Variants in ABAT observed in about 807,000 individuals in gnomAD.
The protein encoded by ABAT is 4-aminobutyrate aminotransferase.
A neutral mutation model predicts 64.6 loss-of-function variants in ABAT; 45 were observed. The observed-to-expected ratio is 0.70, with a 90% CI of 0.55 to 0.89. The LOEUF (loss-of-function observed/expected upper bound fraction) is 0.89, where lower values mean the gene tolerates loss of function less well. Ranked by LOEUF, ABAT falls within the 40% of genes least tolerant of loss-of-function variation. The pLI is 0.00. For missense variants in ABAT, 633 were observed against 658.4 expected, an observed-to-expected ratio of 0.96 and a Z score of 0.42; for synonymous variants, 297 against 250.5, an observed-to-expected ratio of 1.19 and a Z score of -1.75.
chr16:8,750,430 G>C lies in ABAT; in HGVS notation c.207G>C (p.Glu69Asp), dbSNP rs1183442088. 1 of 1,614,042 alleles carries C rather than the reference G, an allele frequency of 6.2e-7. No individual in the cohort carries two copies. Among genetic ancestry groups the C allele is most frequent in the African/African-American group, 1.3e-5 (1 of 75,048 alleles). The change falls in exon 5 of 16, where the codon GAG (glutamate) becomes GAC (aspartate). Residue 69 changes from glutamate (E) to aspartate (D), a missense_variant. Physicochemically the swap from Glu to Asp is conservative, Grantham distance 45. Transcript: ENST00000268251. ...MKQLNIIQNAEAVHFFCNYEE... is the reference protein window; with the variant it reads ...MKQLNIIQNADAVHFFCNYEE... ...TCTTTTCTTTCTCCAAGAATGCAGAGGCTGTGCATTTTTTCTGCAATTACG... is the reference window on the plus strand; with the variant it reads ...TCTTTTCTTTCTCCAAGAATGCAGACGCTGTGCATTTTTTCTGCAATTACG...
At chr16:8,775,922 C>T (rs769190017) in intron 13 of ABAT, among the ~76,000 whole-genome samples, 23 of 152,248 alleles carry the variant, frequency 1.5e-4, no homozygotes, top group South Asian at 8.3e-4. Flanking sequence ...AGGGTCACTG[C>T]CAGCAATCCA....
chr16:8,781,458 G>C lies in ABAT; in HGVS notation c.*28G>C. The C allele has an allele frequency of 6.2e-7, 1 of 1,613,994 alleles. No individual in the cohort carries two copies. The highest frequency in any genetic ancestry group is 1.3e-5 in the African/African-American group (1 of 75,048). ...AAGCCATTTCCACTACAGTGAGAAA[G>C]CCCGGATCCCAACAGTTGTCAAATT... On this transcript the variant is annotated 3_prime_UTR_variant, in exon 16 of 16. Coordinates refer to ENST00000268251, the MANE Select transcript of ABAT (RefSeq NM_020686.6). The surrounding 1 kb of genome is among the most constrained non-coding windows in gnomAD (Gnocchi z 4.5).
chr16:8,743,423 T>TTATATATATATATATATATATA (rs1182574273), intron 2 of ABAT, among the ~76,000 whole-genome samples: 2,214 of 44,422 alleles, frequency 0.05, 57 homozygotes, highest in African/African-American at 0.098. Flanking sequence ...ATGGAAACAG[T>TTATATATATATATATATATATA]TATATATATA....
intron 1 of ABAT, among the ~76,000 whole-genome samples, chr16:8,711,123 C>T (rs114608429): frequency 8.9e-4 from 135 of 152,276 alleles, no homozygotes; most frequent in African/African-American, 2.6e-3. Flanking sequence ...CAATGGTTTG[C>T]GCATTTACAA....
intron 10 of ABAT, 33 bp downstream of exon 10, chr16:8,768,289 G>A (rs369887885): frequency 4.5e-5 from 72 of 1,604,684 alleles, no homozygotes; most frequent in African/African-American, 1.1e-4. Context: ...CCAAGGTGGC[G>A]TTTAGAATAG....
Position 8,781,587 on chromosome 16 carries a change from G to A in ABAT, c.*157G>A. On this transcript the variant is annotated 3_prime_UTR_variant, in exon 16 of 16. Transcript: ENST00000268251. This position sits in a 1 kb window ranked among gnomAD's most constrained non-coding sequence, Gnocchi z 4.5. ...AGCATTTTTGGTGGTCTTGGGGGAG[G>A]GGAGGGGAGGGAAGGGCTGGTGTTG... The A allele has an allele frequency of 1.1e-6, 1 of 912,786 alleles. No individual in the cohort carries two copies. Among genetic ancestry groups the A allele is most frequent in the Non-Finnish European group, 1.7e-6 (1 of 585,214 alleles). The allele number at this position is 912,786 out of a possible 1,614,324, so 56.5% of individuals were successfully genotyped here.
intron 3 of ABAT, 62 bp downstream of exon 3, chr16:8,746,160 A>G: frequency 1.6e-6 from 2 of 1,263,242 alleles, no homozygotes; most frequent in Non-Finnish European, 1.1e-6. Flanking sequence ...TAAGAAGCAA[A>G]AGCACAGCCA....
intron 1 of ABAT, among the ~76,000 whole-genome samples, chr16:8,732,625 C>G (rs1469347088): frequency 2.0e-5 from 3 of 151,592 alleles, no homozygotes; most frequent in Non-Finnish European, 4.4e-5. Context: ...CTACTTCTTT[C>G]TACACAGACA....
chr16:8,724,718 G>A (rs1369592791), intron 1 of ABAT, among the ~76,000 whole-genome samples: 1 of 123,616 alleles, frequency 8.1e-6, no homozygotes, highest in African/African-American at 3.0e-5. Flanking sequence ...AATAGAGCCA[G>A]ACCTTGTCTC....
At chr16:8,730,656 A>G (rs551910725) in intron 1 of ABAT, among the ~76,000 whole-genome samples, 1 of 152,278 alleles carries the variant, frequency 6.6e-6, no homozygotes, top group South Asian at 2.1e-4. Context: ...ATCCAGGTCT[A>G]GGATGGAATT....
chr16:8,759,686 G>T (rs8053030), intron 6 of ABAT, among the ~76,000 whole-genome samples: 3,186 of 152,036 alleles, frequency 0.021, 116 homozygotes, highest in African/African-American at 0.072. Flanking sequence ...CTCATTTTTG[G>T]TTTTTTGTTG....
Position 8,774,898 on chromosome 16 carries a change from C to A in ABAT, c.963C>A (p.Cys321Ter). The A allele has an allele frequency of 6.2e-7, 1 of 1,614,030 alleles. No homozygotes were observed. Among genetic ancestry groups the A allele is most frequent in the Non-Finnish European group, 8.5e-7 (1 of 1,180,014 alleles). Residue 321 changes from cysteine (C) to a stop codon, truncating the protein, a stop_gained, in exon 13 of 16, where the codon TGC becomes TGA. Transcript: ENST00000268251. LOFTEE classifies it high-confidence loss of function. ...KLRDIARKHG[C>*]AFLVDEVQTG... ...CTCTCTTCTCCGGCCAGCATGGCTG[C>A]GCCTTCTTGGTGGACGAGGTCCAGA...
rs756401661 is a variant in ABAT at position 8,776,455 on chromosome 16, G to A, written c.1234G>A (p.Gly412Arg). 5 of 1,613,992 alleles carry A rather than the reference G, an allele frequency of 3.1e-6. No individual in the cohort carries two copies. Among genetic ancestry groups the A allele is most frequent in the Non-Finnish European group, 4.2e-6 (5 of 1,180,022 alleles). The change falls in exon 14 of 16, where the codon GGG (glycine) becomes AGG (arginine). Residue 412 changes from glycine to arginine, a missense_variant. By Grantham distance (125) the Gly-to-Arg change is moderately radical (BLOSUM62 -2). Transcript: ENST00000268251. The surrounding 1 kb of genome is among the most constrained non-coding windows in gnomAD (Gnocchi z 4.4). ...CCTGCTAAATAATGCAGCCCATGCC[G>A]GGAAGGCCCTGCTCACAGGACTGCT... is the stretch of plus-strand genomic sequence containing the variant. ...EDLLNNAAHA[G>R]KALLTGLLDL...
At chr16:8,763,794 C>T (rs1029457023) in intron 6 of ABAT, among the ~76,000 whole-genome samples, 2 of 152,224 alleles carry the variant, frequency 1.3e-5, no homozygotes, top group African/African-American at 2.4e-5. Flanking sequence ...ATGTACGCTT[C>T]GCTCAGTTTT....
At chr16:8,735,046 T>TAAAAA (rs34887951) in intron 1 of ABAT, among the ~76,000 whole-genome samples, 13,463 of 147,486 alleles carry the variant, frequency 0.091, 782 homozygotes, top group African/African-American at 0.16. Context: ...CATCTCTACT[T>TAAAAA]AAAAAAAAAA....
chr16:8,688,123 C>T (rs1002441490), intron 1 of ABAT, among the ~76,000 whole-genome samples: 2 of 152,022 alleles, frequency 1.3e-5, no homozygotes, highest in African/African-American at 4.8e-5. Flanking sequence ...AGGCTGGTCT[C>T]AAACTCCTGG....
intron 1 of ABAT, among the ~76,000 whole-genome samples, chr16:8,694,128 C>T (rs2057646878): frequency 6.6e-6 from 1 of 151,794 alleles, no homozygotes; most frequent in South Asian, 2.1e-4. Context: ...CTCCCAGGTT[C>T]ACGCCATTCT....
intron 9 of ABAT, 78 bp downstream of exon 9, chr16:8,766,348 C>T: frequency 1.4e-6 from 2 of 1,436,308 alleles, no homozygotes; most frequent in South Asian, 2.3e-5. Flanking sequence ...GGCTGGCTGG[C>T]ACTGTCCTCA....
intron 1 of ABAT, among the ~76,000 whole-genome samples, chr16:8,735,240 TTTTTG>T (rs1358839908): frequency 2.0e-5 from 3 of 151,622 alleles, no homozygotes; most frequent in African/African-American, 4.9e-5. Flanking sequence ...GGGTTGGTTT[TTTTTG>T]TTTTGTTTTG....
Sources: gnomAD v4.1 joint callset for allele counts (sites outside exome capture counted in the v4.1 genomes callset) on GRCh38, gnomAD v4.1.1 for gene constraint, Gnocchi (gnomAD v3.1) non-coding constraint, MANE v1.5 for transcripts, NCBI Gene and HGNC (gene_info 2026-07-23, HGNC 2026-07-21) for gene names.